The following MALL variants were observed in gnomAD, a reference collection of about 807,000 sequenced individuals.
The protein encoded by MALL is mal, T cell differentiation protein like.
Under a neutral mutation model 10.3 loss-of-function variants are expected in MALL, and 2 were observed. The observed-to-expected ratio is 0.19, with a 90% CI of 0.08 to 0.61. MALL has a LOEUF of 0.61. Among genes scored for constraint, MALL ranks in the 20% least tolerant of loss-of-function variants. The probability of loss-of-function intolerance (pLI) is 0.88; values close to 1 mark genes in which losing one functional copy is unlikely to be tolerated. For synonymous variants in MALL, 27 were observed against 51.8 expected, an observed-to-expected ratio of 0.52 and a Z score of 2.05; for missense variants, 39 against 115.2, an observed-to-expected ratio of 0.34 and a Z score of 3.03.
intron 1 of MALL, among the ~76,000 whole-genome samples, chr2:110,101,653 G>A (rs1678566971): frequency 6.6e-6 from 1 of 152,124 alleles, no homozygotes; most frequent in African/African-American, 2.4e-5. Flanking sequence ...GAGGGGCCCT[G>A]AGTCAGGGCC....
At chr2:110,106,141 C>A (rs575499733) in intron 1 of MALL, among the ~76,000 whole-genome samples, 168 of 152,258 alleles carry the variant, frequency 1.1e-3, no homozygotes, top group African/African-American at 3.8e-3. Context: ...TTGTTTTAAA[C>A]TAGTCAAAAA....
intron 1 of MALL, among the ~76,000 whole-genome samples, chr2:110,111,125 A>G (rs1678794323): frequency 6.6e-6 from 1 of 152,208 alleles, no homozygotes; most frequent in Non-Finnish European, 1.5e-5. Context: ...CTGAATGGCG[A>G]AAAGTTGAAA....
At chr2:110,106,797 G>A (rs772634111) in intron 1 of MALL, among the ~76,000 whole-genome samples, 1 of 152,126 alleles carries the variant, frequency 6.6e-6, no homozygotes, top group South Asian at 2.1e-4. Context: ...GAACGGCCAA[G>A]AACTGGAAAC....
intron 1 of MALL, among the ~76,000 whole-genome samples, chr2:110,103,423 G>A (rs1268612223): frequency 1.3e-5 from 2 of 152,078 alleles, no homozygotes; most frequent in Admixed American, 1.3e-4. Flanking sequence ...AGATGAGGGG[G>A]CAAAGGTCAG....
chr2:110,092,696 A>G (rs989540822), intron 1 of MALL, among the ~76,000 whole-genome samples: 1 of 104,628 alleles, frequency 9.6e-6, no homozygotes, highest in Non-Finnish European at 2.0e-5. Context: ...CCTAAAACTT[A>G]AAGTATAATA....
At chr2:110,117,812 G>T (rs184508879), upstream of MALL, among the ~76,000 whole-genome samples, 626 of 152,080 alleles carry the variant, frequency 4.1e-3, 22 homozygotes, top group Admixed American at 0.039. Context: ...GGCTAAGGAA[G>T]GAAAGAATAA....
chr2:110,099,093 T>A (rs544476038), intron 1 of MALL, among the ~76,000 whole-genome samples: 2 of 152,268 alleles, frequency 1.3e-5, no homozygotes, highest in East Asian at 3.9e-4. Flanking sequence ...CACAGCTCTG[T>A]CAAACAGTTG....
chr2:110,095,673 C>G (rs1317706211), intron 1 of MALL, among the ~76,000 whole-genome samples: 3 of 150,918 alleles, frequency 2.0e-5, no homozygotes, highest in African/African-American at 4.9e-5. Context: ...ACCAATAAAT[C>G]TAATCGCGTC....
At chr2:110,096,312 CT>C (rs1678438828) in intron 1 of MALL, among the ~76,000 whole-genome samples, 2 of 152,134 alleles carry the variant, frequency 1.3e-5, no homozygotes, top group Admixed American at 1.3e-4. Flanking sequence ...CATGCAGCGC[CT>C]TTCCTCCTGG....
chr2:110,110,545 A>G, intron 1 of MALL, among the ~76,000 whole-genome samples: 1 of 152,144 alleles, frequency 6.6e-6, no homozygotes, highest in East Asian at 1.9e-4. Flanking sequence ...TAAACAGATC[A>G]ATAACAAGCT....
intron 1 of MALL, among the ~76,000 whole-genome samples, chr2:110,112,037 GGATTGAA>G (rs1443444333): frequency 1.3e-5 from 2 of 151,978 alleles, no homozygotes; most frequent in African/African-American, 4.8e-5. Context: ...CACATGTAGG[GGATTGAA>G]ACTGGATCCT....
At chr2:110,113,435 C>CA (rs58360665) in intron 1 of MALL, among the ~76,000 whole-genome samples, 6,254 of 31,586 alleles carry the variant, frequency 0.2, 1,053 homozygotes, top group Non-Finnish European at 0.32. Context: ...GACTCTGTCT[C>CA]AAAAAAAAAA....
chr2:110,092,999 A>G (rs1308324195), intron 1 of MALL, among the ~76,000 whole-genome samples: 2 of 24,582 alleles, frequency 8.1e-5, no homozygotes, highest in African/African-American at 1.5e-4. Context: ...CATTGTTGCC[A>G]TTGAAAAGTC....
intron 1 of MALL, among the ~76,000 whole-genome samples, chr2:110,106,349 G>A (rs916981570): frequency 5.9e-5 from 9 of 152,134 alleles, no homozygotes; most frequent in East Asian, 1.9e-4. Flanking sequence ...CCCAGCACCC[G>A]CAGACAGCTG....
chr2:110,108,365 T>C (rs190900188), intron 1 of MALL, among the ~76,000 whole-genome samples: 1 of 152,152 alleles, frequency 6.6e-6, no homozygotes, highest in Admixed American at 6.5e-5. Flanking sequence ...CAGGAAACTT[T>C]GGACACACTT....
At chr2:110,098,581 T>A (rs1010402094) in intron 1 of MALL, among the ~76,000 whole-genome samples, 4 of 152,202 alleles carry the variant, frequency 2.6e-5, no homozygotes, top group African/African-American at 7.2e-5. Flanking sequence ...TTCCATTGCA[T>A]ATGTGTGTCA....
chr2:110,106,412 G>A (rs1409903278), intron 1 of MALL, among the ~76,000 whole-genome samples: 2 of 152,102 alleles, frequency 1.3e-5, no homozygotes, highest in Non-Finnish European at 2.9e-5. Context: ...CTCCCCCAAG[G>A]CACACACACT....
chr2:110,107,716 T>C (rs917975238), intron 1 of MALL, among the ~76,000 whole-genome samples: 8 of 152,200 alleles, frequency 5.3e-5, no homozygotes, highest in Admixed American at 1.3e-4. Flanking sequence ...TGTCACCTCC[T>C]GGCAGGGGGC....
Position 110,104,689 on chromosome 2 carries a change from G to C in MALL, c.105+10999C>G, listed in dbSNP as rs78958886. On this transcript the variant is annotated intron_variant, in intron 1 of 3. Coordinates refer to ENST00000272462, the MANE Select transcript of MALL (RefSeq NM_005434.5). ...GAATCATCTTGTCCTGACACCACCTGGCTCCCAGGGCCTCTGGGCAGCTGT... is the reference window on the plus strand; with the variant it reads ...GAATCATCTTGTCCTGACACCACCTCGCTCCCAGGGCCTCTGGGCAGCTGT... 6.7e-3 allele frequency among the ~76,000 whole-genome samples: 1,027 copies of C among 152,260 alleles called. 22 individuals are homozygous for C. The highest frequency in any genetic ancestry group is 0.044 in the South Asian group (214 of 4,824).
Sources: allele counts gnomAD v4.1 joint callset (sites outside exome capture counted in the v4.1 genomes callset), GRCh38; gene constraint gnomAD v4.1.1; transcripts MANE v1.5; gene names NCBI Gene and HGNC (gene_info 2026-07-23, HGNC 2026-07-21).